Variants in CDKL2 observed in about 807,000 individuals in gnomAD.
The protein encoded by CDKL2 is cyclin-dependent kinase-like 2.
Under a neutral mutation model 63.9 loss-of-function variants are expected in CDKL2, and 64 were observed. That is an observed-to-expected ratio of 1.00 (90% CI 0.82 to 1.23). CDKL2 has a LOEUF of 1.23. Ranked by LOEUF, CDKL2 falls within the 50% of genes most tolerant of loss-of-function variation. CDKL2 has a pLI of 0.00. For synonymous variants in CDKL2, 211 were observed against 229.2 expected (o/e 0.92, Z 0.72); for missense variants, 656 against 668.0 (o/e 0.98, Z 0.20).
At chr4:75,580,054 C>T (rs1165273562) in intron 13 of CDKL2, among the ~76,000 whole-genome samples, 2 of 152,024 alleles carry the variant, frequency 1.3e-5, no homozygotes, top group African/African-American at 4.8e-5. Context: ...GGCAGATCAC[C>T]TGAGGTCAGG....
chr4:75,614,043 C>T (rs1449281795), intron 3 of CDKL2, among the ~76,000 whole-genome samples: 4 of 151,976 alleles, frequency 2.6e-5, no homozygotes, highest in South Asian at 2.1e-4. Flanking sequence ...GGCGAAAGAG[C>T]GAGACTCTGT....
chr4:75,605,316 G>A (rs918394833), intron 5 of CDKL2, among the ~76,000 whole-genome samples: 5 of 151,890 alleles, frequency 3.3e-5, no homozygotes, highest in African/African-American at 1.2e-4. Context: ...TTGCGCCATT[G>A]CACTCTAGCC....
chr4:75,580,833 T>C (rs533013596), intron 13 of CDKL2, among the ~76,000 whole-genome samples: 3 of 149,622 alleles, frequency 2.0e-5, no homozygotes, highest in Non-Finnish European at 4.5e-5. Context: ...CCCGAGTAGC[T>C]GGGACTACAG....
intron 5 of CDKL2, among the ~76,000 whole-genome samples, chr4:75,604,481 T>A (rs1296059252): frequency 6.6e-6 from 1 of 152,238 alleles, no homozygotes; most frequent in African/African-American, 2.4e-5. Context: ...ATAGTTAAAT[T>A]ACCCCCAAGT....
Position 75,596,985 on chromosome 4 carries a change from G to T in CDKL2, c.1272C>A (p.Pro424=), listed in dbSNP as rs770448770. 1.2e-6 allele frequency: 2 copies of T among 1,614,030 alleles called. No individual in the cohort carries two copies. The highest frequency in any genetic ancestry group is 1.7e-6 in the Non-Finnish European group (2 of 1,179,992). The change falls in exon 9 of 14, where the codon CCC becomes CCA. Residue 424 remains proline (P), a synonymous_variant. Transcript: ENST00000307465. ...CAGTCCCCATTCCAGAATTAATGCT[G>T]GGAGCAACTGCAGAAAGATTGTGTG... ...PLTHNLSAVA[P]SINSGMGTET... is the part of the protein sequence containing the mutation.
rs917694106 is a variant in CDKL2 at position 75,577,676 on chromosome 4, T to C, written c.*1526A>G. 3.9e-5 allele frequency among the ~76,000 whole-genome samples: 6 copies of C among 152,234 alleles called. No homozygotes were observed. The highest frequency in any genetic ancestry group is 1.2e-4 in the African/African-American group (5 of 41,460). On this transcript the variant is annotated 3_prime_UTR_variant, in exon 14 of 14. Coordinates refer to ENST00000307465, the MANE Select transcript of CDKL2 (RefSeq NM_001330724.2). ...AAAATAAAGTAGTAACTTTTTAATATGCAGCCTATTAATGCTGATACCCTA... is the reference window on the plus strand; with the variant it reads ...AAAATAAAGTAGTAACTTTTTAATACGCAGCCTATTAATGCTGATACCCTA...
intron 3 of CDKL2, among the ~76,000 whole-genome samples, chr4:75,608,759 C>T (rs777784135): frequency 6.6e-6 from 1 of 151,752 alleles, no homozygotes; most frequent in South Asian, 2.1e-4. Context: ...TTTGGGAGGC[C>T]GAGGCAGGCA....
intron 6 of CDKL2, 89 bp downstream of exon 6, chr4:75,603,728 A>T: frequency 5.2e-6 from 4 of 767,874 alleles, no homozygotes; most frequent in Non-Finnish European, 7.8e-6. Flanking sequence ...AAAAAAAAAA[A>T]GATCAACTAG....
intron 2 of CDKL2, among the ~76,000 whole-genome samples, chr4:75,616,700 C>CAA (rs765649411): frequency 2.7e-4 from 19 of 70,398 alleles, no homozygotes; most frequent in African/African-American, 8.2e-4. Context: ...ACTCCATCTC[C>CAA]AAAAAAAAAA....
At chr4:75,585,928 A>T (rs528980563) in intron 12 of CDKL2, among the ~76,000 whole-genome samples, 1 of 152,340 alleles carries the variant, frequency 6.6e-6, no homozygotes, top group East Asian at 1.9e-4. Context: ...AACCACCTTG[A>T]TCTAATTTCA....
chr4:75,621,365 A>C (rs896086822), intron 2 of CDKL2, among the ~76,000 whole-genome samples: 1 of 152,008 alleles, frequency 6.6e-6, no homozygotes, highest in Admixed American at 6.6e-5. Flanking sequence ...GAAAACCTTA[A>C]AAGTATCTAG....
Position 75,614,395 on chromosome 4 carries a change from G to T in CDKL2, c.223C>A (p.Arg75=), listed in dbSNP as rs533914363. ...NLLEVCKKKK[R]WYLVFEFVDH... The stretch of plus-strand genomic sequence containing the variant: ...ACAAATTCAAAGACTAGGTACCATC[G>T]TTTTTTTTTCTTACACACTTCCAAG... Residue 75 remains arginine, a synonymous_variant, in exon 3 of 14, where the codon CGA becomes AGA. Coordinates refer to ENST00000307465, the MANE Select transcript of CDKL2 (RefSeq NM_001330724.2). The T allele has an allele frequency of 6.8e-5, 107 of 1,567,786 alleles. 1 individual carries two copies. The highest frequency in any genetic ancestry group is 2.6e-4 in the South Asian group (22 of 85,736).
intron 13 of CDKL2, among the ~76,000 whole-genome samples, chr4:75,580,136 G>A (rs1272813087): frequency 6.6e-6 from 1 of 152,046 alleles, no homozygotes; most frequent in Admixed American, 6.6e-5. Context: ...GCTGGGCGTG[G>A]TGGCACACAC....
At chr4:75,603,760 AG>A (rs1431984329) in intron 6 of CDKL2, 56 bp downstream of exon 6, 69 of 960,098 alleles carry the variant, frequency 7.2e-5, no homozygotes, top group East Asian at 5.5e-4. Flanking sequence ...AAAAAAAAAA[AG>A]GTCTTGATAG....
intron 4 of CDKL2, among the ~76,000 whole-genome samples, chr4:75,606,519 T>C (rs879373871): frequency 6.6e-6 from 1 of 152,148 alleles, no homozygotes; most frequent in Non-Finnish European, 1.5e-5. Flanking sequence ...AGCCTAGGGA[T>C]AAAAATTTTG....
At chr4:75,597,358 T>C (rs147430039) in intron 8 of CDKL2, 122 bp from the exon 9 acceptor site, 1 of 649,408 alleles carries the variant, frequency 1.5e-6, no homozygotes, top group African/African-American at 1.8e-5. Context: ...TTGAAACTGT[T>C]TTCTTTATTC....
chr4:75,598,083 C>T lies in CDKL2; in HGVS notation c.1014G>A (p.Val338=), dbSNP rs375761704. 12 of 1,515,170 alleles carry T rather than the reference C, an allele frequency of 7.9e-6. No individual in the cohort carries two copies. The highest frequency in any genetic ancestry group is 4.7e-5 in the East Asian group (2 of 42,492). 93.9% of individuals were successfully genotyped at this position (1,515,170 alleles called of 1,614,324 possible). A position where few individuals can be genotyped will look rare whatever the true frequency, so the allele number is the denominator to read the frequency against. ...DSLVEERKTL[V]VQDTNADPKI... is the part of the protein sequence containing the mutation. ...GTGAAACATGAACATTTACCTGTACCACAAGTGTTTTTCTTTCTTCAACTA... is the reference window on the plus strand; with the variant it reads ...GTGAAACATGAACATTTACCTGTACTACAAGTGTTTTTCTTTCTTCAACTA... The change falls in exon 8 of 14, where the codon GTG becomes GTA. Residue 338 remains valine (V), a synonymous_variant. Coordinates refer to ENST00000307465, the MANE Select transcript of CDKL2 (RefSeq NM_001330724.2).
At chr4:75,601,597 C>A (rs553623886) in intron 6 of CDKL2, among the ~76,000 whole-genome samples, 1 of 152,186 alleles carries the variant, frequency 6.6e-6, no homozygotes, top group South Asian at 2.1e-4. Context: ...GTTTGTTAAA[C>A]AACTATTCTT....
intron 6 of CDKL2, 142 bp from the exon 7 acceptor site, chr4:75,600,511 G>A: frequency 1.6e-6 from 1 of 626,204 alleles, no homozygotes; most frequent in East Asian, 2.8e-5. Flanking sequence ...AGGCTAGAGT[G>A]CAGTGGTGTG....
Sources: gnomAD v4.1 joint callset for allele counts (sites outside exome capture counted in the v4.1 genomes callset) on GRCh38, gnomAD v4.1.1 for gene constraint, MANE v1.5 for transcripts, NCBI Gene and HGNC (gene_info 2026-07-23, HGNC 2026-07-21) for gene names.